Variants in FRMPD4 observed in about 807,000 individuals in gnomAD.
FRMPD4 encodes FERM and PDZ domain containing 4.
Under a neutral mutation model 94.1 loss-of-function variants are expected in FRMPD4, and 22 were observed. The ratio of observed to expected loss-of-function variants is 0.23; its 90% CI spans 0.17 to 0.33. The LOEUF is 0.33. Among genes scored for constraint, FRMPD4 ranks in the 10% least tolerant of loss-of-function variants. The pLI is 1.00. For missense variants in FRMPD4, 1,111 were observed against 1,339.9 expected, an observed-to-expected ratio of 0.83 and a Z score of 2.67; for synonymous variants, 631 against 548.6, an observed-to-expected ratio of 1.15 and a Z score of -2.10.
chrX:12,003,648 G>T (rs1373712037), intron 3 of FRMPD4, among the ~76,000 whole-genome samples: 3 of 111,775 alleles, frequency 2.7e-5, no homozygotes, highest in Non-Finnish European at 5.6e-5. Flanking sequence ...TCAAGTGATT[G>T]CCTGCCTTGG....
chrX:12,715,316 T>C (rs1432753972), intron 14 of FRMPD4, among the ~76,000 whole-genome samples: 5 of 112,154 alleles, frequency 4.5e-5, no homozygotes, highest in Admixed American at 9.4e-5. Context: ...GTTCCTATGA[T>C]ACAAACAAAA....
intron 5 of FRMPD4, among the ~76,000 whole-genome samples, chrX:12,681,127 C>T (rs2059966932): frequency 8.9e-6 from 1 of 111,795 alleles, no homozygotes; most frequent in Non-Finnish European, 1.9e-5. Flanking sequence ...ACATTTCATT[C>T]CCAAACAATG....
At chrX:12,119,981 T>A (rs1440317391) in intron 3 of FRMPD4, among the ~76,000 whole-genome samples, 1 of 112,214 alleles carries the variant, frequency 8.9e-6, no homozygotes, top group Non-Finnish European at 1.9e-5. Flanking sequence ...AAAGAAATTG[T>A]GTAATATTTT....
At chrX:12,565,724 G>A (rs747690754) in intron 2 of FRMPD4, among the ~76,000 whole-genome samples, 1 of 111,942 alleles carries the variant, frequency 8.9e-6, no homozygotes, top group African/African-American at 3.2e-5. Flanking sequence ...AAAAACTGGT[G>A]ACATCTAAGT....
chrX:12,377,041 C>T (rs2056249107), intron 1 of FRMPD4, among the ~76,000 whole-genome samples: 2 of 112,103 alleles, frequency 1.8e-5, no homozygotes, highest in Non-Finnish European at 3.8e-5. Flanking sequence ...GAAAATGCTC[C>T]TGCTGTATCC....
intron 14 of FRMPD4, among the ~76,000 whole-genome samples, chrX:12,713,731 G>A (rs1458265760): frequency 1.8e-5 from 2 of 111,570 alleles, no homozygotes; most frequent in Admixed American, 9.5e-5. Flanking sequence ...AGGAGACTGG[G>A]CCACAGAATA....
intron 1 of FRMPD4, among the ~76,000 whole-genome samples, chrX:12,409,850 C>T (rs1328810051): frequency 3.6e-5 from 4 of 111,414 alleles, no homozygotes; most frequent in African/African-American, 1.3e-4. Context: ...CAAAAAGGTA[C>T]CAAGTAATAT....
At chrX:12,189,983 A>C (rs770072460) in intron 1 of FRMPD4, among the ~76,000 whole-genome samples, 1 of 111,597 alleles carries the variant, frequency 9.0e-6, no homozygotes, top group African/African-American at 3.3e-5. Context: ...GAAATAATCA[A>C]CAAAAAAATT....
At chrX:12,416,131 CTTCTCT>C (rs1413307836) in intron 1 of FRMPD4, among the ~76,000 whole-genome samples, 2 of 110,449 alleles carry the variant, frequency 1.8e-5, no homozygotes, top group Non-Finnish European at 3.8e-5. Flanking sequence ...TCTTTCCTTC[CTTCTCT>C]TTCTCTATTT....
chrX:12,084,178 G>T (rs191848376), intron 3 of FRMPD4, among the ~76,000 whole-genome samples: 497 of 24,677 alleles, frequency 0.02, 6 homozygotes, highest in African/African-American at 0.046. Flanking sequence ...GGGACCCAGT[G>T]GGGGGGGGGG....
chrX:11,953,764 G>A (rs780566921), intron 3 of FRMPD4, among the ~76,000 whole-genome samples: 2 of 111,927 alleles, frequency 1.8e-5, no homozygotes, highest in East Asian at 5.6e-4. Context: ...CCATTCAAGG[G>A]GGATTGGTTG....
chrX:12,521,473 G>T (rs749340283), intron 2 of FRMPD4, among the ~76,000 whole-genome samples: 2 of 111,824 alleles, frequency 1.8e-5, no homozygotes, highest in African/African-American at 3.3e-5. Flanking sequence ...AAGATAATAC[G>T]CTGTTAAATA....
chrX:12,167,960 C>T (rs756173587), intron 1 of FRMPD4, among the ~76,000 whole-genome samples: 1 of 110,325 alleles, frequency 9.1e-6, no homozygotes, highest in African/African-American at 3.3e-5. Context: ...AATTGTGCCC[C>T]TAGGGGCCGT....
chrX:11,860,144 A>G (rs1171947213), intron 1 of FRMPD4, among the ~76,000 whole-genome samples: 2 of 112,746 alleles, frequency 1.8e-5, no homozygotes, highest in East Asian at 5.6e-4. Context: ...GCTCAAATAT[A>G]CAGTAATAGG....
chrX:12,590,437 A>G (rs1018048234), intron 2 of FRMPD4, among the ~76,000 whole-genome samples: 1 of 112,039 alleles, frequency 8.9e-6, no homozygotes, highest in African/African-American at 3.2e-5. Flanking sequence ...CATAGTCTTG[A>G]TTGATTGCCT....
intron 3 of FRMPD4, among the ~76,000 whole-genome samples, chrX:12,087,047 A>G (rs1428961620): frequency 9.0e-6 from 1 of 111,509 alleles, no homozygotes; most frequent in Non-Finnish European, 1.9e-5. Context: ...GCTCACTTCC[A>G]GGCCCCAAGG....
chrX:12,596,358 A>G (rs1213663876), intron 2 of FRMPD4, among the ~76,000 whole-genome samples: 2 of 112,117 alleles, frequency 1.8e-5, no homozygotes, highest in Middle Eastern at 4.2e-3. Flanking sequence ...CAGGGATGCT[A>G]TTAAGGAAAT....
chrX:12,195,564 A>G (rs759483822), intron 1 of FRMPD4, among the ~76,000 whole-genome samples: 2 of 111,811 alleles, frequency 1.8e-5, no homozygotes, highest in South Asian at 3.8e-4. Context: ...CTCAGAGCCC[A>G]GAGTTGTTAT....
intron 1 of FRMPD4, among the ~76,000 whole-genome samples, chrX:12,172,658 GAGAAACAGC>G (rs1167777910): frequency 9.0e-6 from 1 of 111,659 alleles, no homozygotes; most frequent in East Asian, 2.8e-4. Context: ...AAAGAAGAGA[GAGAAACAGC>G]AGGAGGAGTA....
Sources: gnomAD v4.1 joint callset for allele counts (sites outside exome capture counted in the v4.1 genomes callset) on GRCh38, gnomAD v4.1.1 for gene constraint, MANE v1.5 for transcripts, NCBI Gene and HGNC (gene_info 2026-07-23, HGNC 2026-07-21) for gene names.